CLASP1: variants seen among roughly 807,000 people sequenced by gnomAD.
CLASP1 encodes CLIP-associating protein 1.
A neutral mutation model predicts 192.3 loss-of-function variants in CLASP1; 38 were observed. That is an observed-to-expected ratio of 0.20 (90% CI 0.15 to 0.26). CLASP1 has a LOEUF of 0.26. Ranked by LOEUF, CLASP1 falls within the 10% of genes least tolerant of loss-of-function variation. CLASP1 has a pLI of 1.00. For missense variants in CLASP1, 1,433 were observed against 1,932.5 expected (o/e 0.74, Z 4.85); for synonymous variants, 691 against 712.8 (o/e 0.97, Z 0.49).
intron 2 of CLASP1, 29 bp from the exon 3 acceptor site, chr2:121,530,354 A>AGCAGCCCC: frequency 1.3e-6 from 2 of 1,531,406 alleles, no homozygotes; most frequent in Middle Eastern, 4.3e-4. Flanking sequence ...GGAGCCTGTT[A>AGCAGCCCC]GCAGCCGGCC....
intron 8 of CLASP1, among the ~76,000 whole-genome samples, chr2:121,471,180 C>A (rs1177010109): frequency 6.6e-6 from 1 of 152,126 alleles, no homozygotes; most frequent in African/African-American, 2.4e-5. Context: ...ACTCAGAAGG[C>A]TGAGGCAGGA....
chr2:121,477,741 A>C (rs901397618), intron 8 of CLASP1, among the ~76,000 whole-genome samples: 4 of 152,216 alleles, frequency 2.6e-5, no homozygotes, highest in Admixed American at 2.6e-4. Context: ...AATTGTTTTC[A>C]ATTTTTCACC....
At chr2:121,617,782 CTT>C (rs898376208) in intron 1 of CLASP1, among the ~76,000 whole-genome samples, 3 of 152,190 alleles carry the variant, frequency 2.0e-5, no homozygotes, top group African/African-American at 4.8e-5. Flanking sequence ...TCCAATGCCT[CTT>C]GTCCCCTCAC....
At chr2:121,475,149 A>T (rs1396424400) in intron 8 of CLASP1, among the ~76,000 whole-genome samples, 2 of 152,338 alleles carry the variant, frequency 1.3e-5, no homozygotes, top group East Asian at 3.9e-4. Context: ...AGTAATTCAC[A>T]TTTCCCATCT....
At chr2:121,648,093 A>G (rs1013685310) in intron 1 of CLASP1, among the ~76,000 whole-genome samples, 4 of 152,246 alleles carry the variant, frequency 2.6e-5, no homozygotes, top group Non-Finnish European at 5.9e-5. Flanking sequence ...CTTTTTATCT[A>G]TATGGTCGCA....
intron 22 of CLASP1, among the ~76,000 whole-genome samples, chr2:121,420,182 A>T (rs2149568525): frequency 6.6e-6 from 1 of 152,254 alleles, no homozygotes; most frequent in Admixed American, 6.5e-5. Flanking sequence ...ATCTAGACAT[A>T]AAGGGCTTTA....
intron 30 of CLASP1, among the ~76,000 whole-genome samples, chr2:121,390,823 T>C (rs1227550522): frequency 6.6e-6 from 1 of 152,136 alleles, no homozygotes; most frequent in African/African-American, 2.4e-5. Flanking sequence ...CTCTCCTTTC[T>C]TTTTTTCAAG....
chr2:121,478,848 C>CCACACACCACACCACA (rs1559368292), intron 8 of CLASP1, among the ~76,000 whole-genome samples: 1 of 26,388 alleles, frequency 3.8e-5, no homozygotes, highest in East Asian at 1.7e-3. Flanking sequence ...CACACACACA[C>CCACACACCACACCACA]CACACACCAC....
At chr2:121,375,172 T>C (rs1030044102) in intron 34 of CLASP1, among the ~76,000 whole-genome samples, 2 of 152,060 alleles carry the variant, frequency 1.3e-5, no homozygotes, top group African/African-American at 2.4e-5. Context: ...TCTCATGAGA[T>C]CTGGTTGTTT....
chr2:121,447,376 A>C, exon 19 of CLASP1: 1 of 1,588,138 alleles, frequency 6.3e-7, no homozygotes, highest in Non-Finnish European at 8.6e-7. Context: ...GCTGCTGCAG[A>C]GCTGAAAGGC....
chr2:121,369,863 T>A (rs2068241318), intron 34 of CLASP1, among the ~76,000 whole-genome samples: 1 of 152,252 alleles, frequency 6.6e-6, no homozygotes, highest in Non-Finnish European at 1.5e-5. Flanking sequence ...GTTCTTTCTT[T>A]AGTGTAGATT....
At chr2:121,412,328 A>C (rs2149517664) in intron 23 of CLASP1, among the ~76,000 whole-genome samples, 2 of 152,258 alleles carry the variant, frequency 1.3e-5, no homozygotes, top group East Asian at 3.9e-4. Context: ...TGTCATCTTA[A>C]CCATTATGTT....
chr2:121,387,847 T>C, exon 31 of CLASP1: 1 of 1,612,760 alleles, frequency 6.2e-7, no homozygotes, highest in Non-Finnish European at 8.5e-7. Context: ...AGGCACCAAG[T>C]AACATGGTAA....
intron 1 of CLASP1, among the ~76,000 whole-genome samples, chr2:121,615,914 G>A (rs899374821): frequency 6.6e-6 from 1 of 152,162 alleles, no homozygotes; most frequent in Non-Finnish European, 1.5e-5. Flanking sequence ...TGGCCCCAAA[G>A]TTTGTGTTCT....
intron 2 of CLASP1, among the ~76,000 whole-genome samples, chr2:121,599,587 CAAAAAA>C (rs763909303): frequency 1.9e-4 from 8 of 41,200 alleles, no homozygotes; most frequent in African/African-American, 4.7e-4. Flanking sequence ...GACTCCATCT[CAAAAAA>C]AAAAAAAAAA....
At chr2:121,382,848 T>G (rs543792315) in intron 32 of CLASP1, among the ~76,000 whole-genome samples, 3 of 152,306 alleles carry the variant, frequency 2.0e-5, no homozygotes, top group Admixed American at 6.5e-5. Context: ...CATTCTTTGG[T>G]GCTGTGATCC....
At chr2:121,527,815 T>C (rs1184677970) in exon 5 of CLASP1, 1 of 1,613,452 alleles carries the variant, frequency 6.2e-7, no homozygotes, top group Non-Finnish European at 8.5e-7. Flanking sequence ...AGTGTTGCTA[T>C]AAGGCAGAGA....
At chr2:121,383,991 GAT>G (rs139095697) in intron 32 of CLASP1, among the ~76,000 whole-genome samples, 5,684 of 129,300 alleles carry the variant, frequency 0.044, 283 homozygotes, top group African/African-American at 0.14. Flanking sequence ...TCACTGGTGA[GAT>G]ATATATATAT....
chr2:121,433,424 A>G (rs1399757329), intron 19 of CLASP1, among the ~76,000 whole-genome samples: 3 of 151,916 alleles, frequency 2.0e-5, no homozygotes, highest in Non-Finnish European at 2.9e-5. Context: ...TTTAGATAAG[A>G]GGGTTTTTCT....
Sources: allele counts gnomAD v4.1 joint callset (sites outside exome capture counted in the v4.1 genomes callset), GRCh38; gene constraint gnomAD v4.1.1; transcripts MANE v1.5; gene names NCBI Gene and HGNC (gene_info 2026-07-23, HGNC 2026-07-21).